The following ATPAF1 variants were observed in gnomAD, a reference collection of about 807,000 sequenced individuals.
ATPAF1 encodes ATP synthase mitochondrial F1 complex assembly factor 1, also known as homolog of yeast ATP11.
ATPAF1 carries 26 observed loss-of-function variants against 43.9 expected under a neutral mutation model. The observed-to-expected ratio is 0.59, with a 90% CI of 0.43 to 0.82. The LOEUF (loss-of-function observed/expected upper bound fraction) is 0.82, where lower values mean the gene tolerates loss of function less well. Ranked by LOEUF, ATPAF1 falls within the 40% of genes least tolerant of loss-of-function variation. The probability of loss-of-function intolerance (pLI) is 0.00; values close to 1 mark genes in which losing one functional copy is unlikely to be tolerated. For synonymous variants in ATPAF1, 157 were observed against 168.0 expected (o/e 0.93, Z 0.50); for missense variants, 366 against 435.0 (o/e 0.84, Z 1.41).
At chr1:46,652,063 C>T (rs904140465) in intron 6 of ATPAF1, among the ~76,000 whole-genome samples, 2 of 152,064 alleles carry the variant, frequency 1.3e-5, no homozygotes, top group Non-Finnish European at 2.9e-5. Context: ...GTTACCAATA[C>T]AATGAAATGA....
chr1:46,636,731 T>TAA (rs111988234), intron 8 of ATPAF1, among the ~76,000 whole-genome samples: 2 of 139,312 alleles, frequency 1.4e-5, no homozygotes, highest in African/African-American at 5.3e-5. Context: ...GTGAGCCCCT[T>TAA]AAAAAAAAAA....
intron 7 of ATPAF1, among the ~76,000 whole-genome samples, chr1:46,643,578 C>T (rs965144612): frequency 3.3e-5 from 5 of 152,314 alleles, no homozygotes; most frequent in Admixed American, 6.5e-5. Context: ...TGTGACCATA[C>T]ATTTAAAAAC....
Position 46,665,447 on chromosome 1 carries a change from GAGAA to G in ATPAF1, c.267-87_267-84del, listed in dbSNP as rs1167887356. The G allele has an allele frequency of 4.9e-5, 70 of 1,429,382 alleles. No individual in the cohort carries two copies. The East Asian group carries it at 1.5e-3, about 31-fold the overall frequency. The allele number at this position is 1,429,382 out of a possible 1,614,324, so 88.5% of individuals were successfully genotyped here. ...CAAAGCATCACTTTCCACCTCTACA[GAGAA>G]AGGACACTGCCATTCAGAGAGGTTG... On this transcript the variant is annotated intron_variant, in intron 1 of 8. Transcript: ENST00000574428.
At chr1:46,637,551 C>A (rs1313574739) in intron 8 of ATPAF1, among the ~76,000 whole-genome samples, 1 of 152,098 alleles carries the variant, frequency 6.6e-6, no homozygotes, top group African/African-American at 2.4e-5. Context: ...CAAAATTAAA[C>A]CCCAAAAGGT....
At chr1:46,641,731 A>T (rs1459792725) in intron 8 of ATPAF1, among the ~76,000 whole-genome samples, 2 of 152,178 alleles carry the variant, frequency 1.3e-5, no homozygotes. Context: ...TTTAGCTTCC[A>T]GGGCATTCTA....
chr1:46,645,334 A>AT, intron 6 of ATPAF1, 78 bp from the exon 7 acceptor site: 1 of 1,121,852 alleles, frequency 8.9e-7, no homozygotes, highest in Non-Finnish European at 1.3e-6. Flanking sequence ...TGTAACATTC[A>AT]TTCCATTTCC....
chr1:46,634,962 A>G (rs1321731094), downstream of ATPAF1: 3 of 152,574 alleles, frequency 2.0e-5, no homozygotes, highest in African/African-American at 7.2e-5. Context: ...CCCACATCCA[A>G]TCTGGGAACA....
chr1:46,640,423 A>G (rs964564129), intron 8 of ATPAF1, among the ~76,000 whole-genome samples: 1 of 152,170 alleles, frequency 6.6e-6, no homozygotes, highest in Non-Finnish European at 1.5e-5. Flanking sequence ...CAGCCTGGCC[A>G]ACATGGTGAA....
At chr1:46,633,566 T>C, downstream of ATPAF1, 1 of 392,344 alleles carries the variant, frequency 2.5e-6, no homozygotes, top group Non-Finnish European at 4.9e-6. Context: ...GGGGACAAAT[T>C]TACTGATTAA....
rs540173118 is a variant in ATPAF1, at chr1:46,655,278, T to C, written c.490-1411A>G. Among the ~76,000 whole-genome samples, 5 of 152,204 alleles carry C rather than the reference T, an allele frequency of 3.3e-5. No homozygotes were observed. In the East Asian group the frequency reaches 7.7e-4, roughly 23 times the overall value. On this transcript the variant is annotated intron_variant, in intron 4 of 8. Coordinates refer to ENST00000574428, the Ensembl canonical transcript of ATPAF1. ...CATATTAGATATTATTGGCATGTTATAGGCAGCTCTTAAAATCCTGCTTCC... is the reference window on the plus strand; with the variant it reads ...CATATTAGATATTATTGGCATGTTACAGGCAGCTCTTAAAATCCTGCTTCC...
At chr1:46,645,035 A>T (rs1005941869) in intron 7 of ATPAF1, 126 bp downstream of exon 7, 2 of 771,458 alleles carry the variant, frequency 2.6e-6, no homozygotes, top group Admixed American at 2.5e-5. Flanking sequence ...ATGACAATTC[A>T]TCTGCGCCAC....
At chr1:46,645,227 A>G in exon 7 of ATPAF1, 1 of 1,613,824 alleles carries the variant, frequency 6.2e-7, no homozygotes. Context: ...AAAACTCATA[A>G]CCTTCCCTTC....
In ATPAF1 at chr1:46,668,102, T is replaced by C; in HGVS notation, c.221A>G (p.Asn74Ser). Residue 74 changes from asparagine (N) to serine (S), a missense_variant, in exon 1 of 9, where the codon AAC becomes AGC. Transcript: ENST00000574428. The surrounding 1 kb of genome is among the most constrained non-coding windows in gnomAD (Gnocchi z 4.4). The stretch of plus-strand genomic sequence containing the variant: ...GTCGCGGTAGCGGTCGTAGAAAGGG[T>C]TGGCCTGGAGCTCGGCCTCGGCCCC... 1 of 1,450,088 alleles carries C rather than the reference T, an allele frequency of 6.9e-7. No individual in the cohort carries two copies. 89.8% of individuals were successfully genotyped at this position (1,450,088 alleles called of 1,614,324 possible).
At chr1:46,644,213 A>G (rs538653570) in intron 7 of ATPAF1, among the ~76,000 whole-genome samples, 1 of 152,328 alleles carries the variant, frequency 6.6e-6, no homozygotes, top group African/African-American at 2.4e-5. Flanking sequence ...TCCAAGTCTT[A>G]GCACAGTTCC....
chr1:46,660,678 T>C (rs1160536087), intron 2 of ATPAF1, among the ~76,000 whole-genome samples: 1 of 152,184 alleles, frequency 6.6e-6, no homozygotes, highest in Non-Finnish European at 1.5e-5. Flanking sequence ...TGAAACTACA[T>C]GTCAAAAATC....
chr1:46,652,920 A>G (rs967424180), intron 5 of ATPAF1, among the ~76,000 whole-genome samples: 2 of 152,162 alleles, frequency 1.3e-5, no homozygotes, highest in African/African-American at 4.8e-5. Context: ...AGAGGTAAGA[A>G]GGCCTGTTTA....
downstream of ATPAF1, chr1:46,633,539 A>G (rs1039594950): frequency 8.4e-5 from 31 of 367,220 alleles, no homozygotes; most frequent in Non-Finnish European, 1.5e-4. Flanking sequence ...ACTTTCTATA[A>G]CACCATGCTA....
At chr1:46,663,381 TA>T (rs1676430561) in intron 2 of ATPAF1, among the ~76,000 whole-genome samples, 1 of 152,244 alleles carries the variant, frequency 6.6e-6, no homozygotes, top group Non-Finnish European at 1.5e-5. Context: ...ATGTTTGAAC[TA>T]GTTTACAGTC....
intron 4 of ATPAF1, among the ~76,000 whole-genome samples, chr1:46,655,635 A>G (rs911658558): frequency 1.3e-5 from 2 of 152,106 alleles, no homozygotes; most frequent in Non-Finnish European, 2.9e-5. Context: ...TATCATATGG[A>G]TGCTCTGTGT....
Sources: allele counts gnomAD v4.1 joint callset (sites outside exome capture counted in the v4.1 genomes callset), GRCh38; gene constraint gnomAD v4.1.1; non-coding constraint Gnocchi (gnomAD v3.1); transcripts MANE v1.5; gene names NCBI Gene and HGNC (gene_info 2026-07-23, HGNC 2026-07-21).